The following TLNRD1 variants were observed in gnomAD, a reference collection of about 807,000 sequenced individuals.
TLNRD1 encodes talin rod domain-containing protein 1.
A neutral mutation model predicts 19.5 loss-of-function variants in TLNRD1; 14 were observed. The ratio of observed to expected loss-of-function variants is 0.72; its 90% CI spans 0.47 to 1.12. The LOEUF is 1.12. TLNRD1 is among the 50% of genes most tolerant of loss of function. The probability of loss-of-function intolerance (pLI) is 0.00; values close to 1 mark genes in which losing one functional copy is unlikely to be tolerated. For missense variants in TLNRD1, 569 were observed against 531.9 expected (o/e 1.07, Z -0.69); for synonymous variants, 345 against 261.7 (o/e 1.32, Z -3.07).
rs1241375595 is a variant in TLNRD1 at position 81,002,619 on chromosome 15, C to T, written c.348C>T (p.Gly116=). ...GEAGDSLVEL[G]DLVVSLTECS... ...CGGGGGACAGCCTGGTGGAGCTGGG[C>T]GACCTGGTGGTGTCGCTGACCGAGT... is the stretch of plus-strand genomic sequence containing the variant. The change falls in exon 1 of 1, where the codon GGC becomes GGT. Residue 116 remains glycine, a synonymous_variant. Coordinates refer to ENST00000267984, the MANE Select transcript of TLNRD1 (RefSeq NM_022566.3). The T allele has an allele frequency of 1.3e-6, 2 of 1,489,430 alleles. No individual in the cohort carries two copies. The highest frequency in any genetic ancestry group is 1.5e-5 in the African/African-American group (1 of 68,654). The allele number at this position is 1,489,430 out of a possible 1,614,324, so 92.3% of individuals were successfully genotyped here.
At position 81,003,003 on chromosome 15, in the gene TLNRD1, C is replaced by T. The variant is rs1893439814; in HGVS notation, c.732C>T (p.Arg244=). 6 of 1,565,658 alleles carry T rather than the reference C, an allele frequency of 3.8e-6. No homozygotes were observed. Among genetic ancestry groups the T allele is most frequent in the Non-Finnish European group, 4.3e-6 (5 of 1,162,274 alleles). The change falls in exon 1 of 1, where the codon CGC becomes CGT. Residue 244 remains arginine (R), a synonymous_variant. Coordinates refer to ENST00000267984, the MANE Select transcript of TLNRD1 (RefSeq NM_022566.3). The part of the protein sequence containing the change: ...EVKVAPSELA[R]SRCALFSGPL... The stretch of plus-strand genomic sequence containing the variant: ...AGGTGGCGCCCAGTGAGCTGGCGCG[C>T]AGCCGCTGTGCGCTCTTCAGCGGGC...
rs1382115152 is a variant in TLNRD1 at position 81,001,481 on chromosome 15, G to C, written c.-791G>C. 1 of 151,414 alleles carries C rather than the reference G, an allele frequency of 6.6e-6. No homozygotes were observed. Among genetic ancestry groups the C allele is most frequent in the African/African-American group, 2.4e-5 (1 of 41,360 alleles). 9.4% of individuals were successfully genotyped at this position (151,414 alleles called of 1,614,324 possible). A position where few individuals can be genotyped will look rare whatever the true frequency, so the allele number is the denominator to read the frequency against. Reference sequence around the variant, plus strand: ...GCGTGTGGCGGGCGGGCGAGAGCTTGAGCGCGATCCGGGCGGCCGCTGTGC... The same window carrying C: ...GCGTGTGGCGGGCGGGCGAGAGCTTCAGCGCGATCCGGGCGGCCGCTGTGC... On this transcript the variant is annotated 5_prime_UTR_variant, in exon 1 of 1. Coordinates refer to ENST00000267984, the MANE Select transcript of TLNRD1 (RefSeq NM_022566.3).
rs1247560191 is a variant in TLNRD1, at chr15:81,002,323, C to T, written c.52C>T (p.Pro18Ser). ...CACTGGCGAGGCGGCTTCTCCGGCT[C>T]CTGCGAGCGCCATCGGCGGGGCCAG... is the stretch of plus-strand genomic sequence containing the variant. The part of the protein sequence containing the change: ...KPTGEAASPA[P>S]ASAIGGASSQ... The change falls in exon 1 of 1, where the codon CCT becomes TCT. Residue 18 changes from proline to serine, a missense_variant. Coordinates refer to ENST00000267984, the MANE Select transcript of TLNRD1 (RefSeq NM_022566.3). 2.1e-6 allele frequency: 3 copies of T among 1,403,426 alleles called. No individual in the cohort carries two copies. Among genetic ancestry groups the T allele is most frequent in the African/African-American group, 1.5e-5 (1 of 67,114 alleles). The allele number at this position is 1,403,426 out of a possible 1,614,324, so 86.9% of individuals were successfully genotyped here. A position where few individuals can be genotyped will look rare whatever the true frequency, so the allele number is the denominator to read the frequency against.
In TLNRD1 at chr15:81,005,305, T is replaced by C. The variant is rs1280282784; in HGVS notation, c.*1945T>C. 1 of 167,094 alleles carries C rather than the reference T, an allele frequency of 6.0e-6. No individual in the cohort carries two copies. Among genetic ancestry groups the C allele is most frequent in the Non-Finnish European group, 1.5e-5 (1 of 68,118 alleles). 10.4% of individuals were successfully genotyped at this position (167,094 alleles called of 1,614,324 possible). On this transcript the variant is annotated 3_prime_UTR_variant, in exon 1 of 1. Coordinates refer to ENST00000267984, the MANE Select transcript of TLNRD1 (RefSeq NM_022566.3). ...TTTATTCCTTTCCTCTGCCCCTTAATGTTGGGATGGGGTTCAGGATGAAAG... is the reference window on the plus strand; with the variant it reads ...TTTATTCCTTTCCTCTGCCCCTTAACGTTGGGATGGGGTTCAGGATGAAAG...
rs1475967509 is a variant in TLNRD1 at position 81,001,269 on chromosome 15, G to A, written c.-1003G>A. 6.6e-6 allele frequency: 1 copy of A among 152,176 alleles called. No individual in the cohort carries two copies. Among genetic ancestry groups the A allele is most frequent in the African/African-American group, 2.4e-5 (1 of 41,412 alleles). 9.4% of individuals were successfully genotyped at this position (152,176 alleles called of 1,614,324 possible). On this transcript the variant is annotated 5_prime_UTR_variant, in exon 1 of 1. Coordinates refer to ENST00000267984, the MANE Select transcript of TLNRD1 (RefSeq NM_022566.3). ...TCGTGCAGGGGCGTCCGATGCGCGGGGCCCGGGGCCTCGGGAGAGCTCAGC... is the reference window on the plus strand; with the variant it reads ...TCGTGCAGGGGCGTCCGATGCGCGGAGCCCGGGGCCTCGGGAGAGCTCAGC...
At position 81,001,579 on chromosome 15, in the gene TLNRD1, G is replaced by C. The variant is rs1046125884; in HGVS notation, c.-693G>C. 2 of 151,820 alleles carry C rather than the reference G, an allele frequency of 1.3e-5. No homozygotes were observed. Among genetic ancestry groups the C allele is most frequent in the Admixed American group, 6.6e-5 (1 of 15,246 alleles). 9.4% of individuals were successfully genotyped at this position (151,820 alleles called of 1,614,324 possible). A position where few individuals can be genotyped will look rare whatever the true frequency, so the allele number is the denominator to read the frequency against. On this transcript the variant is annotated 5_prime_UTR_variant, in exon 1 of 1. Transcript: ENST00000267984. ...CAGTGCCGGCCACACCCTCTGCCCC[G>C]CTGCCGCCGGCGCCGCTTCCCAAGA...
At position 81,005,744 on chromosome 15, in the gene TLNRD1, T is replaced by C. The variant is rs1203547678; in HGVS notation, c.*2384T>C. 1 of 167,118 alleles carries C rather than the reference T, an allele frequency of 6.0e-6. No individual in the cohort carries two copies. The highest frequency in any genetic ancestry group is 1.5e-5 in the Non-Finnish European group (1 of 68,120). The allele number at this position is 167,118 out of a possible 1,614,324, so 10.4% of individuals were successfully genotyped here. A position where few individuals can be genotyped will look rare whatever the true frequency, so the allele number is the denominator to read the frequency against. On this transcript the variant is annotated 3_prime_UTR_variant, in exon 1 of 1. Transcript: ENST00000267984. ...ATGCTCTACGTTTGGTCATGTAACA[T>C]GCATAATCTCTGTTCTCTGAAGTTG... is the stretch of plus-strand genomic sequence containing the variant.
Position 81,002,406 on chromosome 15 carries a change from G to A in TLNRD1, c.135G>A (p.Gln45=). The change falls in exon 1 of 1, where the codon CAG becomes CAA. Residue 45 remains glutamine (Q), a synonymous_variant. Transcript: ENST00000267984. ...GCGACCACTGCAAGGGCAAGATGCAGCTGGTGGCTGACCTGCTGCTGCTGT... is the reference window on the plus strand; with the variant it reads ...GCGACCACTGCAAGGGCAAGATGCAACTGGTGGCTGACCTGCTGCTGCTGT... ...SVCDHCKGKM[Q]LVADLLLLSS... 6.4e-7 allele frequency: 1 copy of A among 1,554,970 alleles called. No individual in the cohort carries two copies. Among genetic ancestry groups the A allele is most frequent in the East Asian group, 2.5e-5 (1 of 40,234 alleles).
At position 81,003,093 on chromosome 15, in the gene TLNRD1, G is replaced by A. The variant is rs766744933; in HGVS notation, c.822G>A (p.Ala274=). 3.2e-6 allele frequency: 5 copies of A among 1,554,694 alleles called. No individual in the cohort carries two copies. The highest frequency in any genetic ancestry group is 2.3e-5 in the South Asian group (2 of 85,620). Residue 274 remains alanine, a synonymous_variant, in exon 1 of 1, where the codon GCG becomes GCA. Transcript: ENST00000267984. The stretch of plus-strand genomic sequence containing the variant: ...CCGAGCCGCAGTTCCTGGGTCGCGC[G>A]GCAGCTGTGAGCGCCGAGGGCAAGG... ...FATEPQFLGR[A]AAVSAEGKAV...
In TLNRD1 at chr15:81,003,642, C is replaced by G. The variant is rs1171739575; in HGVS notation, c.*282C>G. On this transcript the variant is annotated 3_prime_UTR_variant, in exon 1 of 1. Transcript: ENST00000267984. ...CCCACCCCCTACCCCAGCCCGTCTTCCGGAATTTCTCAACTAAATTTCATT... is the reference window on the plus strand; with the variant it reads ...CCCACCCCCTACCCCAGCCCGTCTTGCGGAATTTCTCAACTAAATTTCATT... The G allele has an allele frequency of 2.9e-6, 1 of 350,764 alleles. No individual in the cohort carries two copies. Among genetic ancestry groups the G allele is most frequent in the Non-Finnish European group, 5.4e-6 (1 of 186,414 alleles). 21.7% of individuals were successfully genotyped at this position (350,764 alleles called of 1,614,324 possible).
Position 81,003,788 on chromosome 15 carries a change from CTT to C in TLNRD1, c.*439_*440del, listed in dbSNP as rs529223114. 1.1e-4 allele frequency: 17 copies of C among 153,430 alleles called. No homozygotes were observed. Among genetic ancestry groups the C allele is most frequent in the South Asian group, 2.2e-4 (1 of 4,506 alleles). 9.5% of individuals were successfully genotyped at this position (153,430 alleles called of 1,614,324 possible). A position where few individuals can be genotyped will look rare whatever the true frequency, so the allele number is the denominator to read the frequency against. On this transcript the variant is annotated 3_prime_UTR_variant, in exon 1 of 1. Coordinates refer to ENST00000267984, the MANE Select transcript of TLNRD1 (RefSeq NM_022566.3). ...GATGTAGCTACCTTTTTTTGTATGTCTTTTTTTTTTTTAAGCAATCGTGTTGA... is the reference window on the plus strand; with the variant it reads ...GATGTAGCTACCTTTTTTTGTATGTCTTTTTTTTTTAAGCAATCGTGTTGA...
chr15:81,002,290 G>T lies in TLNRD1; in HGVS notation c.19G>T (p.Gly7Trp). 3 of 1,301,088 alleles carry T rather than the reference G, an allele frequency of 2.3e-6. No homozygotes were observed. The highest frequency in any genetic ancestry group is 2.2e-5 in the South Asian group (1 of 44,864). The allele number at this position is 1,301,088 out of a possible 1,614,324, so 80.6% of individuals were successfully genotyped here. The change falls in exon 1 of 1, where the codon GGG becomes TGG. Residue 7 changes from glycine (G) to tryptophan (W), a missense_variant. Physicochemically the swap from Gly to Trp is radical, Grantham distance 184. Coordinates refer to ENST00000267984, the MANE Select transcript of TLNRD1 (RefSeq NM_022566.3). MASGSA[G>W]KPTGEAASPA... ...GGGCGCGATGGCTAGCGGCAGCGCC[G>T]GGAAGCCCACTGGCGAGGCGGCTTC...
Position 81,003,448 on chromosome 15 carries a change from T to C in TLNRD1, c.*88T>C. On this transcript the variant is annotated 3_prime_UTR_variant, in exon 1 of 1. Coordinates refer to ENST00000267984, the MANE Select transcript of TLNRD1 (RefSeq NM_022566.3). ...CTCTCCATTTATACCAAAGAAATCA[T>C]AGGTGAAACCCCCTACCCTCCCCAA... is the stretch of plus-strand genomic sequence containing the variant. 6 of 1,372,964 alleles carry C rather than the reference T, an allele frequency of 4.4e-6. No individual in the cohort carries two copies. Among genetic ancestry groups the C allele is most frequent in the Non-Finnish European group, 5.9e-6 (6 of 1,024,540 alleles). The allele number at this position is 1,372,964 out of a possible 1,614,324, so 85.0% of individuals were successfully genotyped here.
At position 81,003,635 on chromosome 15, in the gene TLNRD1, C is replaced by G. The variant is rs1452955316; in HGVS notation, c.*275C>G. 8.3e-6 allele frequency: 3 copies of G among 363,624 alleles called. No homozygotes were observed. The highest frequency in any genetic ancestry group is 1.5e-5 in the Non-Finnish European group (3 of 194,668). The allele number at this position is 363,624 out of a possible 1,614,324, so 22.5% of individuals were successfully genotyped here. On this transcript the variant is annotated 3_prime_UTR_variant, in exon 1 of 1. Transcript: ENST00000267984. The stretch of plus-strand genomic sequence containing the variant: ...TATCACTCCCACCCCCTACCCCAGC[C>G]CGTCTTCCGGAATTTCTCAACTAAA...
rs1330987343 is a variant in TLNRD1, at chr15:81,003,286, C to G, written c.1015C>G (p.Leu339Val). ...SACAVSEGCTLLSQALRERSS... is the reference protein window; with the variant it reads ...SACAVSEGCTVLSQALRERSS... The stretch of plus-strand genomic sequence containing the variant: ...CTGCGCCGTGTCTGAAGGCTGCACC[C>G]TGCTATCTCAGGCTTTAAGGGAGAG... The change falls in exon 1 of 1, where the codon CTG becomes GTG. Residue 339 changes from leucine (L) to valine (V), a missense_variant. Physicochemically the swap from Leu to Val is conservative, Grantham distance 32. Transcript: ENST00000267984. The G allele has an allele frequency of 1.2e-6, 2 of 1,611,702 alleles. No individual in the cohort carries two copies. Among genetic ancestry groups the G allele is most frequent in the Non-Finnish European group, 1.7e-6 (2 of 1,179,494 alleles).
rs1893463411 is a variant in TLNRD1, at chr15:81,004,170, A to C, written c.*810A>C. 6.0e-6 allele frequency: 1 copy of C among 166,842 alleles called. No individual in the cohort carries two copies. Among genetic ancestry groups the C allele is most frequent in the African/African-American group, 2.4e-5 (1 of 41,370 alleles). The allele number at this position is 166,842 out of a possible 1,614,324, so 10.3% of individuals were successfully genotyped here. On this transcript the variant is annotated 3_prime_UTR_variant, in exon 1 of 1. Transcript: ENST00000267984. ...CAAGAAAAAGTACTGCTCAAGAAGTACTCCCTTGAGCAGCCTGGAACTGAA... is the reference window on the plus strand; with the variant it reads ...CAAGAAAAAGTACTGCTCAAGAAGTCCTCCCTTGAGCAGCCTGGAACTGAA...
Position 81,002,194 on chromosome 15 carries a change from G to A in TLNRD1, c.-78G>A, listed in dbSNP as rs1893421215. ...CTTGGCCAGCTGAGTCGCGACGGCCGCCGGGGCGGCGGCAGTGGCCGCGGC... is the reference window on the plus strand; with the variant it reads ...CTTGGCCAGCTGAGTCGCGACGGCCACCGGGGCGGCGGCAGTGGCCGCGGC... On this transcript the variant is annotated 5_prime_UTR_variant, in exon 1 of 1. Coordinates refer to ENST00000267984, the MANE Select transcript of TLNRD1 (RefSeq NM_022566.3). The A allele has an allele frequency of 8.3e-7, 1 of 1,205,604 alleles. No homozygotes were observed. Among genetic ancestry groups the A allele is most frequent in the Admixed American group, 4.4e-5 (1 of 22,812 alleles). 74.7% of individuals were successfully genotyped at this position (1,205,604 alleles called of 1,614,324 possible).
chr15:81,003,622 C>A lies in TLNRD1; in HGVS notation c.*262C>A, dbSNP rs1893455464. On this transcript the variant is annotated 3_prime_UTR_variant, in exon 1 of 1. Coordinates refer to ENST00000267984, the MANE Select transcript of TLNRD1 (RefSeq NM_022566.3). ...CTGCTGGTTGTGTTATCACTCCCAC[C>A]CCCTACCCCAGCCCGTCTTCCGGAA... is the stretch of plus-strand genomic sequence containing the variant. 1 of 394,834 alleles carries A rather than the reference C, an allele frequency of 2.5e-6. No homozygotes were observed. 24.5% of individuals were successfully genotyped at this position (394,834 alleles called of 1,614,324 possible). A position where few individuals can be genotyped will look rare whatever the true frequency, so the allele number is the denominator to read the frequency against.
At position 81,003,268 on chromosome 15, in the gene TLNRD1, G is replaced by A. The variant is rs749832224; in HGVS notation, c.997G>A (p.Val333Met). Residue 333 changes from valine (V) to methionine (M), a missense_variant, in exon 1 of 1, where the codon GTG (valine) becomes ATG (methionine). By Grantham distance (21) the Val-to-Met change is conservative. Coordinates refer to ENST00000267984, the MANE Select transcript of TLNRD1 (RefSeq NM_022566.3). ...GAGGCTGAGGAACTCGGCCTGCGCC[G>A]TGTCTGAAGGCTGCACCCTGCTATC... is the stretch of plus-strand genomic sequence containing the variant. Reference protein sequence around the residue: ...RERLRNSACAVSEGCTLLSQA... With the variant: ...RERLRNSACAMSEGCTLLSQA... The A allele has an allele frequency of 5.6e-6, 9 of 1,610,384 alleles. No individual in the cohort carries two copies. Among genetic ancestry groups the A allele is most frequent in the Non-Finnish European group, 7.6e-6 (9 of 1,178,932 alleles).
Sources: allele counts gnomAD v4.1 joint callset, GRCh38; gene constraint gnomAD v4.1.1; transcripts MANE v1.5; gene names NCBI Gene and HGNC (gene_info 2026-07-23, HGNC 2026-07-21).